PPP6R2: variants seen among roughly 807,000 people sequenced by gnomAD.
The protein encoded by PPP6R2 is serine/threonine-protein phosphatase 6 regulatory subunit 2.
Under a neutral mutation model 100.2 loss-of-function variants are expected in PPP6R2, and 62 were observed. That is an observed-to-expected ratio of 0.62 (90% CI 0.50 to 0.76). The LOEUF (loss-of-function observed/expected upper bound fraction) is 0.76, where lower values mean the gene tolerates loss of function less well. PPP6R2 is among the 30% of genes least tolerant of loss of function. The pLI is 0.00. For missense variants in PPP6R2, 1,142 were observed against 1,276.3 expected (o/e 0.89, Z 1.60); for synonymous variants, 525 against 514.7 (o/e 1.02, Z -0.27).
intron 2 of PPP6R2, among the ~76,000 whole-genome samples, chr22:50,385,825 T>TA (rs2054130838): frequency 7.8e-6 from 1 of 128,392 alleles, no homozygotes; most frequent in African/African-American, 3.1e-5. Context: ...TTTTTTTTTT[T>TA]TTTTTTTTTT....
At chr22:50,391,582 A>T (rs1447013877) in intron 2 of PPP6R2, among the ~76,000 whole-genome samples, 1 of 152,166 alleles carries the variant, frequency 6.6e-6, no homozygotes. Flanking sequence ...CCTGGACAAC[A>T]TGGCGAAACA....
At position 50,431,609 on chromosome 22, in the gene PPP6R2, G is replaced by A. The variant is rs185287040; in HGVS notation, c.1335+227G>A. Among the ~76,000 whole-genome samples, 31 of 152,170 alleles carry A rather than the reference G, an allele frequency of 2.0e-4. No homozygotes were observed. Among genetic ancestry groups the A allele is most frequent in the African/African-American group, 6.8e-4 (28 of 41,428 alleles). ...CAGCAGGGGTACTGGTGCCTTCCAC[G>A]TGCAGGCCTGGCAAGGGTTAGCACT... On this transcript the variant is annotated intron_variant, in intron 11 of 23. Transcript: ENST00000612753. This position sits in a 1 kb window ranked among gnomAD's most constrained non-coding sequence, Gnocchi z 4.8.
chr22:50,354,398 T>TAAGG (rs1371939630), intron 1 of PPP6R2, among the ~76,000 whole-genome samples: 1 of 152,184 alleles, frequency 6.6e-6, no homozygotes, highest in Non-Finnish European at 1.5e-5. Context: ...GCTTCCCCAA[T>TAAGG]AAGGAATCTG....
At position 50,414,695 on chromosome 22, in the gene PPP6R2, T is replaced by A. The variant is rs753226434; in HGVS notation, c.552+6T>A. On this transcript the variant is annotated splice_donor_region_variant and intron_variant, in intron 5 of 23. Coordinates refer to ENST00000612753, the MANE Select transcript of PPP6R2 (RefSeq NM_001242898.2). Reference sequence around the variant, plus strand: ...TCCGGCAGGACGTCCTGCACGTGAGTGCGGGAGTCCCCCCCCGTTCCCGAG... The same window carrying A: ...TCCGGCAGGACGTCCTGCACGTGAGAGCGGGAGTCCCCCCCCGTTCCCGAG... The A allele has an allele frequency of 6.3e-7, 1 of 1,588,958 alleles. No homozygotes were observed. The highest frequency in any genetic ancestry group is 1.7e-5 in the Admixed American group (1 of 57,326).
rs555322026 is a variant in PPP6R2, at chr22:50,352,714, ACT to A, written c.-148+9167_-148+9168del. Among the ~76,000 whole-genome samples, 968 of 147,874 alleles carry A rather than the reference ACT, an allele frequency of 6.5e-3. 8 individuals are homozygous for A. Among genetic ancestry groups the A allele is most frequent in the African/African-American group, 0.023 (906 of 39,826 alleles). On this transcript the variant is annotated intron_variant, in intron 1 of 23. Transcript: ENST00000612753. ...CACTCCAGCCTGGTGACAGAGCGAG[ACT>A]CTGTCTCAAAACAAAAACAAAAACA...
chr22:50,339,076 ATGTGGTG>A (rs1244715612), upstream of PPP6R2, among the ~76,000 whole-genome samples: 4 of 86,308 alleles, frequency 4.6e-5, no homozygotes, highest in East Asian at 8.7e-4. Flanking sequence ...TGTATGTGGT[ATGTGGTG>A]TGTGGTGTGT....
chr22:50,431,325 G>T lies in PPP6R2; in HGVS notation c.1278G>T (p.Arg426=). ...AGCCTCCGCATGAGAACGGGAACCG[G>T]AGCCTGGAGACTCCCCAGCCGGCCG... is the stretch of plus-strand genomic sequence containing the variant. ...RVEPPHENGN[R]SLETPQPAAS... is the part of the protein sequence containing the mutation. Residue 426 remains arginine, a synonymous_variant, in exon 11 of 24, where the codon CGG becomes CGT. Coordinates refer to ENST00000612753, the MANE Select transcript of PPP6R2 (RefSeq NM_001242898.2). This position sits in a 1 kb window ranked among gnomAD's most constrained non-coding sequence, Gnocchi z 4.8. 2 of 1,613,110 alleles carry T rather than the reference G, an allele frequency of 1.2e-6. No individual in the cohort carries two copies. Among genetic ancestry groups the T allele is most frequent in the Non-Finnish European group, 1.7e-6 (2 of 1,180,010 alleles).
Position 50,441,040 on chromosome 22 carries a change from G to T in PPP6R2, c.2579+14G>T. On this transcript the variant is annotated intron_variant, in intron 22 of 23. Coordinates refer to ENST00000612753, the MANE Select transcript of PPP6R2 (RefSeq NM_001242898.2). ...GGCTGTCGGCAGGTGTGTGGGGCGT[G>T]GCGGGGGCGGGCCTGCCGGGTGCAT... The T allele has an allele frequency of 6.5e-7, 1 of 1,537,544 alleles. No individual in the cohort carries two copies. Among genetic ancestry groups the T allele is most frequent in the South Asian group, 1.2e-5 (1 of 84,218 alleles).
rs533386052 is a variant in PPP6R2, at chr22:50,424,922, G to A, written c.1125+1308G>A. On this transcript the variant is annotated intron_variant, in intron 10 of 23. Coordinates refer to ENST00000612753, the MANE Select transcript of PPP6R2 (RefSeq NM_001242898.2). Reference sequence around the variant, plus strand: ...CCCAAAGTGCTGGGATTACAGGCTTGAGCCACTGCACCCAGCCCCTTTTCC... The same window carrying A: ...CCCAAAGTGCTGGGATTACAGGCTTAAGCCACTGCACCCAGCCCCTTTTCC... Among the ~76,000 whole-genome samples, 10 of 152,302 alleles carry A rather than the reference G, an allele frequency of 6.6e-5. No homozygotes were observed. In the South Asian group the frequency reaches 2.1e-3, roughly 32 times the overall value.
At chr22:50,437,484 T>TGCCCAC in intron 15 of PPP6R2, 22 bp from the exon 16 acceptor site, 1 of 542,114 alleles carries the variant, frequency 1.8e-6, no homozygotes, top group Non-Finnish European at 3.6e-6. Context: ...TGTCCGTCCC[T>TGCCCAC]CCCTCCCTCC....
intron 1 of PPP6R2, among the ~76,000 whole-genome samples, chr22:50,355,229 C>CT (rs1221685126): frequency 0.011 from 1,404 of 131,084 alleles, 20 homozygotes; most frequent in East Asian, 0.044. Flanking sequence ...AAGCAGCCTT[C>CT]TTTTTTTTTT....
intron 1 of PPP6R2, among the ~76,000 whole-genome samples, chr22:50,354,388 G>T (rs2045996732): frequency 6.6e-6 from 1 of 152,192 alleles, no homozygotes; most frequent in Admixed American, 6.6e-5. Flanking sequence ...TACCAGTTGA[G>T]CTTCCCCAAT....
intron 1 of PPP6R2, among the ~76,000 whole-genome samples, chr22:50,360,330 C>T (rs368321702): frequency 9.8e-4 from 145 of 148,704 alleles, no homozygotes; most frequent in African/African-American, 3.1e-3. Context: ...GGATTATAGG[C>T]GTGAGCCACC....
At chr22:50,346,977 G>T (rs1434862841) in intron 1 of PPP6R2, among the ~76,000 whole-genome samples, 1 of 151,598 alleles carries the variant, frequency 6.6e-6, no homozygotes, top group Non-Finnish European at 1.5e-5. Context: ...CCTTCTGTCA[G>T]CAATGTCCCC....
chr22:50,408,627 A>G (rs1008396203), intron 4 of PPP6R2, among the ~76,000 whole-genome samples: 31 of 152,114 alleles, frequency 2.0e-4, no homozygotes, highest in African/African-American at 7.2e-4. Flanking sequence ...TAGATGTTGT[A>G]AAAACCTTTA....
At chr22:50,437,484 T>TCCCCCCCC in intron 15 of PPP6R2, 22 bp from the exon 16 acceptor site, 4 of 542,114 alleles carry the variant, frequency 7.4e-6, no homozygotes, top group South Asian at 1.5e-5. Context: ...TGTCCGTCCC[T>TCCCCCCCC]CCCTCCCTCC....
At chr22:50,393,228 G>T (rs536558768) in intron 2 of PPP6R2, among the ~76,000 whole-genome samples, 1 of 152,300 alleles carries the variant, frequency 6.6e-6, no homozygotes, top group East Asian at 1.9e-4. Flanking sequence ...TGGTGTATGT[G>T]TGAGGAGGTG....
At chr22:50,364,016 T>A (rs2048279454) in intron 1 of PPP6R2, among the ~76,000 whole-genome samples, 1 of 151,652 alleles carries the variant, frequency 6.6e-6, no homozygotes, top group Non-Finnish European at 1.5e-5. Context: ...TGCCTAAGCC[T>A]CCCGAGTAGC....
In PPP6R2 at chr22:50,394,104, C is replaced by T; in HGVS notation, c.196C>T (p.Pro66Ser). Residue 66 changes from proline (P) to serine (S), a missense_variant, in exon 3 of 24, where the codon CCC becomes TCC. Around this residue, in one of 2 missense-constraint regions of PPP6R2, gnomAD observed 592 missense variants for 758.9 expected, o/e 0.78. Coordinates refer to ENST00000612753, the MANE Select transcript of PPP6R2 (RefSeq NM_001242898.2). The part of the protein sequence containing the change: ...ELVSLITQDP[P>S]LDMEEKVRFK... ...GGTGAGCCTCATCACACAGGATCCGCCCCTGGACATGGAGGAGAAGGTCCG... is the reference window on the plus strand; with the variant it reads ...GGTGAGCCTCATCACACAGGATCCGTCCCTGGACATGGAGGAGAAGGTCCG... The T allele has an allele frequency of 6.2e-7, 1 of 1,614,148 alleles. No individual in the cohort carries two copies. Among genetic ancestry groups the T allele is most frequent in the Non-Finnish European group, 8.5e-7 (1 of 1,180,020 alleles).
Sources: gnomAD v4.1 joint callset for allele counts (sites outside exome capture counted in the v4.1 genomes callset) on GRCh38, gnomAD v4.1.1 for gene constraint, gnomAD v4.1.1 regional missense constraint, Gnocchi (gnomAD v3.1) non-coding constraint, MANE v1.5 for transcripts, NCBI Gene and HGNC (gene_info 2026-07-23, HGNC 2026-07-21) for gene names.